The following LRRC7 variants were observed in gnomAD, a reference collection of about 807,000 sequenced individuals.
LRRC7 encodes the protein leucine-rich repeat-containing protein 7.
Under a neutral mutation model 175.7 loss-of-function variants are expected in LRRC7, and 23 were observed. The ratio of observed to expected loss-of-function variants is 0.13; its 90% CI spans 0.09 to 0.19. The LOEUF is 0.19. Among genes scored for constraint, LRRC7 ranks in the 10% least tolerant of loss-of-function variants. LRRC7 has a pLI of 1.00. For missense variants in LRRC7, 1,354 were observed against 1,904.7 expected, an observed-to-expected ratio of 0.71 and a Z score of 5.38; for synonymous variants, 685 against 680.9, an observed-to-expected ratio of 1.01 and a Z score of -0.09.
At chr1:69,962,751 C>A (rs774596416) in intron 8 of LRRC7, among the ~76,000 whole-genome samples, 1 of 152,098 alleles carries the variant, frequency 6.6e-6, no homozygotes, top group Non-Finnish European at 1.5e-5. Context: ...CACATATTCT[C>A]ACTTATAAGT....
intron 1 of LRRC7, among the ~76,000 whole-genome samples, chr1:69,602,428 T>C (rs1208632859): frequency 3.3e-5 from 5 of 152,018 alleles, no homozygotes; most frequent in African/African-American, 4.8e-5. Flanking sequence ...AATGCTATGA[T>C]AATATTTTAT....
chr1:69,794,517 T>C (rs1675490613), intron 4 of LRRC7, among the ~76,000 whole-genome samples: 1 of 152,232 alleles, frequency 6.6e-6, no homozygotes, highest in Non-Finnish European at 1.5e-5. Flanking sequence ...TATAGATTTG[T>C]ATTTCTGTAC....
chr1:69,983,153 A>C (rs760823768), intron 9 of LRRC7, among the ~76,000 whole-genome samples: 4 of 152,198 alleles, frequency 2.6e-5, no homozygotes, highest in Non-Finnish European at 4.4e-5. Flanking sequence ...CTATGAGTAA[A>C]GTGACAATAT....
intron 2 of LRRC7, among the ~76,000 whole-genome samples, chr1:69,721,584 A>G (rs1666357904): frequency 6.6e-6 from 1 of 151,852 alleles, no homozygotes; most frequent in African/African-American, 2.4e-5. Flanking sequence ...TATATAATAT[A>G]TCACAATTTA....
chr1:70,028,292 C>T lies in LRRC7; in HGVS notation c.1916C>T (p.Pro639Leu). The change falls in exon 18 of 27, where the codon CCA (proline) becomes CTA (leucine). Residue 639 changes from proline (P) to leucine (L), a missense_variant. Pro to Leu is a moderately conservative substitution (Grantham distance 98). Transcript: ENST00000651989. ...SHGVRVENSN[P>L]TANTEQTVKE... ...GGAGTGCGTGTTGAGAATTCAAATC[C>T]AACTGCTAACACGGAGCAAACTGTG... is the stretch of plus-strand genomic sequence containing the variant. 6.8e-6 allele frequency: 11 copies of T among 1,613,710 alleles called. No individual in the cohort carries two copies. Among genetic ancestry groups the T allele is most frequent in the Non-Finnish European group, 9.3e-6 (11 of 1,179,788 alleles).
chr1:70,121,100 A>C (rs932121847), intron 26 of LRRC7, among the ~76,000 whole-genome samples: 1 of 152,012 alleles, frequency 6.6e-6, no homozygotes, highest in Non-Finnish European at 1.5e-5. Flanking sequence ...ACTGAATATC[A>C]ATTGCTTATA....
intron 7 of LRRC7, among the ~76,000 whole-genome samples, chr1:69,903,464 C>T (rs1646200079): frequency 6.6e-6 from 1 of 152,170 alleles, no homozygotes; most frequent in South Asian, 2.1e-4. Context: ...ACACCTTTCC[C>T]ACAGTCTTCA....
At chr1:69,848,265 G>T (rs2101440239) in intron 7 of LRRC7, among the ~76,000 whole-genome samples, 1 of 152,078 alleles carries the variant, frequency 6.6e-6, no homozygotes, top group African/African-American at 2.4e-5. Context: ...ATTAGCTGAA[G>T]CTGTAACTCC....
intron 1 of LRRC7, among the ~76,000 whole-genome samples, chr1:69,624,354 T>C (rs149672340): frequency 6.6e-6 from 1 of 152,158 alleles, no homozygotes; most frequent in East Asian, 1.9e-4. Context: ...GATGCACATA[T>C]ATATATGTAT....
At chr1:69,899,565 T>C (rs1646075906) in intron 7 of LRRC7, among the ~76,000 whole-genome samples, 1 of 152,228 alleles carries the variant, frequency 6.6e-6, no homozygotes, top group Non-Finnish European at 1.5e-5. Context: ...CCACTGTAAC[T>C]ACTCAGTTCT....
intron 8 of LRRC7, among the ~76,000 whole-genome samples, chr1:69,975,539 C>T (rs1652724795): frequency 1.3e-5 from 2 of 152,070 alleles, no homozygotes; most frequent in Admixed American, 6.6e-5. Context: ...CCTTCCTGGC[C>T]CAGAAAAAAA....
chr1:70,036,074 T>C, intron 18 of LRRC7, 47 bp from the exon 19 acceptor site: 1 of 1,454,152 alleles, frequency 6.9e-7, no homozygotes, highest in Non-Finnish European at 9.4e-7. Context: ...TGGTTAACCA[T>C]TGTTTAAATG....
intron 3 of LRRC7, among the ~76,000 whole-genome samples, chr1:69,778,255 C>G (rs1213324796): frequency 1.3e-5 from 2 of 152,142 alleles, no homozygotes; most frequent in Admixed American, 1.3e-4. Flanking sequence ...AAACCTGTGG[C>G]AATTATTCAT....
intron 1 of LRRC7, among the ~76,000 whole-genome samples, chr1:69,617,798 G>A (rs1649910031): frequency 6.6e-6 from 1 of 151,970 alleles, no homozygotes; most frequent in Non-Finnish European, 1.5e-5. Flanking sequence ...ATTGCATTTA[G>A]CCACTGGATC....
At chr1:69,988,557 C>A (rs12034677) in intron 10 of LRRC7, among the ~76,000 whole-genome samples, 2 of 152,074 alleles carry the variant, frequency 1.3e-5, no homozygotes, top group Admixed American at 1.3e-4. Context: ...CAGTTCTTAC[C>A]GTGAAATAAG....
intron 3 of LRRC7, among the ~76,000 whole-genome samples, chr1:69,775,087 A>T (rs1672667192): frequency 6.6e-6 from 1 of 152,178 alleles, no homozygotes; most frequent in Admixed American, 6.5e-5. Flanking sequence ...TCTTTGGTAG[A>T]GCTGATCAAA....
intron 3 of LRRC7, among the ~76,000 whole-genome samples, chr1:69,764,730 C>CAGATAGATAGATAGATAGATAGATAGAT: frequency 7.1e-6 from 1 of 140,300 alleles, no homozygotes; most frequent in Non-Finnish European, 1.5e-5. Context: ...GATAGATAGA[C>CAGATAGATAGATAGATAGATAGATAGAT]AGATAGATAG....
At chr1:69,969,403 GA>G (rs1651996508) in intron 8 of LRRC7, among the ~76,000 whole-genome samples, 1 of 151,938 alleles carries the variant, frequency 6.6e-6, no homozygotes, top group Non-Finnish European at 1.5e-5. Flanking sequence ...AACACATAAG[GA>G]CTCACATAAA....
intron 1 of LRRC7, among the ~76,000 whole-genome samples, chr1:69,601,818 C>T (rs1213118708): frequency 2.0e-5 from 3 of 151,980 alleles, no homozygotes; most frequent in Non-Finnish European, 2.9e-5. Flanking sequence ...TTTTGAGGCC[C>T]AGAGCATTTT....
Sources: gnomAD v4.1 joint callset for allele counts (sites outside exome capture counted in the v4.1 genomes callset) on GRCh38, gnomAD v4.1.1 for gene constraint, MANE v1.5 for transcripts, NCBI Gene and HGNC (gene_info 2026-07-23, HGNC 2026-07-21) for gene names.